SLTM: variants seen among roughly 807,000 people sequenced by gnomAD.
SLTM encodes the protein SAFB-like transcription modulator.
Under a neutral mutation model 134.6 loss-of-function variants are expected in SLTM, and 43 were observed. The ratio of observed to expected loss-of-function variants is 0.32; its 90% CI spans 0.25 to 0.41. The LOEUF is 0.41. Among genes scored for constraint, SLTM ranks in the 10% least tolerant of loss-of-function variants. The pLI is 1.00. For synonymous variants in SLTM, 424 were observed against 432.3 expected (o/e 0.98, Z 0.24); for missense variants, 1,055 against 1,288.8 (o/e 0.82, Z 2.78).
chr15:58,920,277 C>T (rs566539538), intron 2 of SLTM, among the ~76,000 whole-genome samples: 1 of 151,822 alleles, frequency 6.6e-6, no homozygotes, highest in Admixed American at 6.6e-5. Flanking sequence ...GCTGAGATCG[C>T]CCCACTGCAC....
chr15:58,889,548 G>T lies in SLTM; in HGVS notation c.2086C>A (p.Arg696Ser). The change falls in exon 16 of 21, where the codon CGT becomes AGT. Residue 696 changes from arginine to serine, a missense_variant. Around this residue, in one of 3 missense-constraint regions of SLTM, gnomAD observed 776 missense variants for 962.2 expected, o/e 0.81. Coordinates refer to ENST00000380516, the MANE Select transcript of SLTM (RefSeq NM_024755.4). ...CGAGCAATCCGTTCAGCTTCCTTAC[G>T]ACGTTCCTTCAGACAACACAGAATG... The part of the protein sequence containing the change: ...RERIRIEQER[R>S]KEAERIARER... The T allele has an allele frequency of 1.2e-6, 2 of 1,613,794 alleles. No individual in the cohort carries two copies. The highest frequency in any genetic ancestry group is 1.7e-6 in the Non-Finnish European group (2 of 1,179,860).
chr15:58,916,989 A>T lies in SLTM; in HGVS notation c.261T>A (p.His87Gln). 6.2e-7 allele frequency: 1 copy of T among 1,613,744 alleles called. No individual in the cohort carries two copies. The highest frequency in any genetic ancestry group is 8.5e-7 in the Non-Finnish European group (1 of 1,179,808). ...KKPTKGKGKK[H>Q]EADELSGDAS... ...CATCTCCACTCAACTCATCTGCTTC[A>T]TGTTTTTTACCTGCGAAAGAAGGAA... Residue 87 changes from histidine to glutamine, a missense_variant, in exon 3 of 21, where the codon CAT becomes CAA. By Grantham distance (24) the His-to-Gln change is conservative (BLOSUM62 0). Coordinates refer to ENST00000380516, the MANE Select transcript of SLTM (RefSeq NM_024755.4).
At chr15:58,888,014 G>A in intron 17 of SLTM, among the ~76,000 whole-genome samples, 1 of 152,146 alleles carries the variant, frequency 6.6e-6, no homozygotes, top group Non-Finnish European at 1.5e-5. Flanking sequence ...AGCCGGGCAT[G>A]GTGGTGGTGC....
At chr15:58,881,591 A>G (rs1246017445) in intron 20 of SLTM, among the ~76,000 whole-genome samples, 1 of 151,952 alleles carries the variant, frequency 6.6e-6, no homozygotes, top group Non-Finnish European at 1.5e-5. Context: ...GGCCAGGCTG[A>G]GGAATCTGGG....
At chr15:58,921,003 A>C (rs954428921) in intron 2 of SLTM, among the ~76,000 whole-genome samples, 1 of 152,186 alleles carries the variant, frequency 6.6e-6, no homozygotes, top group African/African-American at 2.4e-5. Flanking sequence ...TTATCTTTGA[A>C]ATGGCAGTCC....
chr15:58,916,013 T>A (rs1489804049), intron 3 of SLTM, among the ~76,000 whole-genome samples: 5 of 152,150 alleles, frequency 3.3e-5, no homozygotes, highest in Admixed American at 1.3e-4. Flanking sequence ...AAATAGCTTG[T>A]TCTATAGCTG....
chr15:58,886,233 G>A (rs1276255210), intron 19 of SLTM, among the ~76,000 whole-genome samples: 1 of 123,612 alleles, frequency 8.1e-6, no homozygotes, highest in South Asian at 2.4e-4. Flanking sequence ...GTGTGTGTGT[G>A]TGTGTGTGTG....
chr15:58,884,727 G>A (rs202077517), intron 19 of SLTM, among the ~76,000 whole-genome samples: 3 of 151,848 alleles, frequency 2.0e-5, no homozygotes, highest in Non-Finnish European at 2.9e-5. Flanking sequence ...AACTCCTGGG[G>A]CTCAAGCAAT....
intron 5 of SLTM, 70 bp downstream of exon 5, chr15:58,912,493 C>T: frequency 7.9e-7 from 1 of 1,264,414 alleles, no homozygotes; most frequent in Non-Finnish European, 1.2e-6. Context: ...ATTATGAAGT[C>T]AAAATAAGAT....
At chr15:58,887,602 T>C in intron 17 of SLTM, 62 bp from the exon 18 acceptor site, 2 of 1,531,158 alleles carry the variant, frequency 1.3e-6, no homozygotes, top group South Asian at 2.6e-5. Flanking sequence ...TTAATTCTTC[T>C]TAACTTTGTC....
At chr15:58,927,357 C>T (rs1369754068) in intron 2 of SLTM, among the ~76,000 whole-genome samples, 2 of 152,072 alleles carry the variant, frequency 1.3e-5, no homozygotes. Context: ...GCAACCTCTG[C>T]CTCCCAGGTT....
rs188991658 is a variant in SLTM at position 58,927,401 on chromosome 15, C to T, written c.250+4955G>A. 6.6e-5 allele frequency among the ~76,000 whole-genome samples: 10 copies of T among 152,096 alleles called. No individual in the cohort carries two copies. In the East Asian group the frequency reaches 1.2e-3, roughly 18 times the overall value. Reference sequence around the variant, plus strand: ...TCTCCTGCCTCGGCCTCCCAAGTAGCGAGGATTACAGATGCGAAACACCAT... The same window carrying T: ...TCTCCTGCCTCGGCCTCCCAAGTAGTGAGGATTACAGATGCGAAACACCAT... On this transcript the variant is annotated intron_variant, in intron 2 of 20. Transcript: ENST00000380516.
intron 20 of SLTM, among the ~76,000 whole-genome samples, chr15:58,880,781 G>T (rs1462630036): frequency 1.3e-5 from 2 of 151,920 alleles, no homozygotes; most frequent in Non-Finnish European, 2.9e-5. Flanking sequence ...GGCCAGGCTG[G>T]TCTTGAACTC....
intron 6 of SLTM, 138 bp downstream of exon 6, chr15:58,901,122 T>G: frequency 1.4e-6 from 1 of 718,572 alleles, no homozygotes; most frequent in South Asian, 1.7e-5. Flanking sequence ...AAAATCAAGA[T>G]GCTAACTTAA....
intron 19 of SLTM, among the ~76,000 whole-genome samples, chr15:58,885,434 G>C (rs2034100134): frequency 6.6e-6 from 1 of 152,196 alleles, no homozygotes; most frequent in Non-Finnish European, 1.5e-5. Flanking sequence ...CGGAGGGCTA[G>C]TCTTTGATAC....
intron 5 of SLTM, among the ~76,000 whole-genome samples, chr15:58,904,064 G>A (rs2035688742): frequency 1.3e-5 from 2 of 152,162 alleles, no homozygotes; most frequent in African/African-American, 4.8e-5. Flanking sequence ...GTGCAGTGGT[G>A]TGATCTCAGC....
intron 3 of SLTM, 104 bp from the exon 4 acceptor site, chr15:58,913,800 A>C: frequency 3.8e-6 from 3 of 794,782 alleles, no homozygotes; most frequent in Non-Finnish European, 6.1e-6. Context: ...AAATTTGATC[A>C]TATTTTAATA....
At chr15:58,887,693 T>C (rs771231329) in intron 17 of SLTM, 153 bp from the exon 18 acceptor site, 12 of 939,718 alleles carry the variant, frequency 1.3e-5, no homozygotes, top group Non-Finnish European at 1.5e-5. Context: ...TTATTACAAC[T>C]CATTTTCTTT....
At chr15:58,889,859 C>T in intron 15 of SLTM, 1 of 357,746 alleles carries the variant, frequency 2.8e-6, no homozygotes, top group Non-Finnish European at 5.1e-6. Flanking sequence ...TCTTAATATG[C>T]ATGGAGACTA....
Sources: allele counts gnomAD v4.1 joint callset (sites outside exome capture counted in the v4.1 genomes callset), GRCh38; gene constraint gnomAD v4.1.1; regional missense constraint gnomAD v4.1.1; transcripts MANE v1.5; gene names NCBI Gene and HGNC (gene_info 2026-07-23, HGNC 2026-07-21).